PCCB: variants seen among roughly 807,000 people sequenced by gnomAD.
The protein encoded by PCCB is propionyl-CoA carboxylase beta chain, mitochondrial.
In PCCB, 43 loss-of-function variants were observed where a neutral mutation model predicts 60.7. The observed-to-expected ratio is 0.71, with a 90% CI of 0.55 to 0.91. The LOEUF is 0.91. Ranked by LOEUF, PCCB falls within the 40% of genes least tolerant of loss-of-function variation. The probability of loss-of-function intolerance (pLI) is 0.00; values close to 1 mark genes in which losing one functional copy is unlikely to be tolerated. For synonymous variants in PCCB, 276 were observed against 255.9 expected, an observed-to-expected ratio of 1.08 and a Z score of -0.75; for missense variants, 766 against 702.8, an observed-to-expected ratio of 1.09 and a Z score of -1.02.
At chr3:136,319,074 CTTA>C (rs545200926) in intron 10 of PCCB, among the ~76,000 whole-genome samples, 4 of 152,284 alleles carry the variant, frequency 2.6e-5, no homozygotes, top group Admixed American at 2.0e-4. Context: ...CTTGCCAACA[CTTA>C]TTATTAATTT....
chr3:136,300,404 G>C (rs1934221132), intron 8 of PCCB, among the ~76,000 whole-genome samples: 1 of 152,318 alleles, frequency 6.6e-6, no homozygotes, highest in African/African-American at 2.4e-5. Context: ...GGTTGGAGAG[G>C]GGCAAGTTGC....
intron 4 of PCCB, among the ~76,000 whole-genome samples, 174 bp from the exon 5 acceptor site, chr3:136,261,778 C>A (rs915758195): frequency 1.3e-5 from 2 of 152,130 alleles, no homozygotes; most frequent in African/African-American, 4.8e-5. Flanking sequence ...AATATCTGGT[C>A]CTTTGTCTTC....
chr3:136,261,399 T>TA (rs763711360), intron 4 of PCCB, among the ~76,000 whole-genome samples: 1 of 152,230 alleles, frequency 6.6e-6, no homozygotes, highest in Non-Finnish European at 1.5e-5. Flanking sequence ...CTCCCTCTGT[T>TA]ATGATGGGTA....
chr3:136,310,888 C>T (rs1934638379), intron 9 of PCCB, among the ~76,000 whole-genome samples: 1 of 152,026 alleles, frequency 6.6e-6, no homozygotes, highest in Non-Finnish European at 1.5e-5. Context: ...ACATCAATAC[C>T]TATTCCTGAT....
intron 11 of PCCB, 31 bp downstream of exon 11, chr3:136,326,941 A>AG (rs1349877627): frequency 7.0e-7 from 1 of 1,436,664 alleles, no homozygotes; most frequent in East Asian, 2.3e-5. Flanking sequence ...GGGCTAGGAG[A>AG]GTTGCCTTTC....
chr3:136,269,144 TGTGG>T (rs1942118341), intron 5 of PCCB, among the ~76,000 whole-genome samples: 2 of 151,944 alleles, frequency 1.3e-5, no homozygotes, highest in African/African-American at 4.8e-5. Flanking sequence ...AGCCAGGTGT[TGTGG>T]TGCATGCCTG....
In PCCB at chr3:136,255,935, A is replaced by G. The variant is rs771333669; in HGVS notation, c.263A>G (p.His88Arg). Residue 88 changes from histidine (H) to arginine (R), a missense_variant, in exon 2 of 15, where the codon CAC becomes CGC. Transcript: ENST00000251654. ...SFVESDMFVE[H>R]RCADFGMAAD... The stretch of plus-strand genomic sequence containing the variant: ...GTTGAGAGCGACATGTTTGTGGAAC[A>G]CAGATGTGCAGATTTTGGAATGGCT... 6 of 1,614,090 alleles carry G rather than the reference A, an allele frequency of 3.7e-6. No homozygotes were observed. The highest frequency in any genetic ancestry group is 5.1e-6 in the Non-Finnish European group (6 of 1,179,992).
chr3:136,258,116 C>T (rs182583608), intron 3 of PCCB, among the ~76,000 whole-genome samples: 25 of 152,150 alleles, frequency 1.6e-4, no homozygotes, highest in Admixed American at 9.8e-4. Context: ...AAAACTTGTA[C>T]AGAAGGAACC....
intron 8 of PCCB, among the ~76,000 whole-genome samples, chr3:136,299,518 GTGTA>G (rs1216222058): frequency 8.8e-5 from 12 of 136,350 alleles, no homozygotes; most frequent in South Asian, 2.3e-4. Context: ...AGGTATGCAT[GTGTA>G]TGTATGTATA....
chr3:136,291,234 A>G (rs1933674565), intron 6 of PCCB, among the ~76,000 whole-genome samples: 1 of 152,124 alleles, frequency 6.6e-6, no homozygotes, highest in Non-Finnish European at 1.5e-5. Flanking sequence ...CAGCCTCCTG[A>G]GTACCCAAGA....
intron 7 of PCCB, among the ~76,000 whole-genome samples, chr3:136,294,991 C>T (rs1170893322): frequency 6.6e-6 from 1 of 152,120 alleles, no homozygotes; most frequent in Non-Finnish European, 1.5e-5. Flanking sequence ...AGCACTGAAA[C>T]AAAAAGTTCT....
chr3:136,328,617 G>A (rs1031867272), intron 13 of PCCB, 141 bp from the exon 14 acceptor site: 16 of 704,908 alleles, frequency 2.3e-5, no homozygotes, highest in Middle Eastern at 3.6e-4. Flanking sequence ...CTCCCTCTAT[G>A]CTATGGCCTT....
chr3:136,324,331 CT>C (rs1217610381), intron 10 of PCCB, among the ~76,000 whole-genome samples: 7 of 152,154 alleles, frequency 4.6e-5, no homozygotes, highest in Non-Finnish European at 8.8e-5. Context: ...AACTCCTGGT[CT>C]TGAAATTGTC....
chr3:136,329,371 A>C (rs866311629), intron 14 of PCCB, among the ~76,000 whole-genome samples: 60 of 152,310 alleles, frequency 3.9e-4, no homozygotes, highest in African/African-American at 1.4e-3. Flanking sequence ...AGGCTAGTCC[A>C]GGCTTCCTTA....
Position 136,273,597 on chromosome 3 carries a change from C to CTTTTTTTTTTTTTTTTTTTTTTTT in PCCB, c.544-10218_544-10217insTTTTTTTTTTTTTTTTTTTTTTTT. Among the ~76,000 whole-genome samples the CTTTTTTTTTTTTTTTTTTTTTTTT allele has an allele frequency of 1.1e-3, 49 of 45,240 alleles. 1 individual carries two copies. Among genetic ancestry groups the CTTTTTTTTTTTTTTTTTTTTTTTT allele is most frequent in the Admixed American group, 2.1e-3 (8 of 3,742 alleles). 29.7% of individuals were successfully genotyped at this position (45,240 alleles called of 152,430 possible). A position where few individuals can be genotyped will look rare whatever the true frequency, so the allele number is the denominator to read the frequency against. ...TTCTTTCTTTTTTTTTTTCTTTTTT[C>CTTTTTTTTTTTTTTTTTTTTTTTT]TTTTTTTTTTTTTTTTTTTTTTACT... On this transcript the variant is annotated intron_variant, in intron 5 of 14. Coordinates refer to ENST00000251654, the MANE Select transcript of PCCB (RefSeq NM_000532.5).
intron 6 of PCCB, among the ~76,000 whole-genome samples, chr3:136,292,806 G>T (rs1485499471): frequency 6.6e-6 from 1 of 152,148 alleles, no homozygotes; most frequent in East Asian, 1.9e-4. Context: ...GGATGCATGG[G>T]TGTCTCTGTA....
At chr3:136,307,613 A>G (rs1934489880) in intron 9 of PCCB, among the ~76,000 whole-genome samples, 2 of 152,140 alleles carry the variant, frequency 1.3e-5, no homozygotes, top group African/African-American at 4.8e-5. Context: ...CATTGTGGGT[A>G]ATGATAAAGG....
intron 10 of PCCB, among the ~76,000 whole-genome samples, chr3:136,323,864 G>A (rs1223932023): frequency 6.7e-6 from 1 of 149,908 alleles, no homozygotes; most frequent in African/African-American, 2.5e-5. Flanking sequence ...AGTAAGTTCA[G>A]TGTCTATGCT....
intron 5 of PCCB, among the ~76,000 whole-genome samples, chr3:136,263,328 T>A (rs1228046358): frequency 6.8e-6 from 1 of 147,476 alleles, no homozygotes; most frequent in African/African-American, 2.5e-5. Context: ...TGCAGTGGCA[T>A]GATCTCTGCT....
Sources: gnomAD v4.1 joint callset for allele counts (sites outside exome capture counted in the v4.1 genomes callset) on GRCh38, gnomAD v4.1.1 for gene constraint, MANE v1.5 for transcripts, NCBI Gene and HGNC (gene_info 2026-07-23, HGNC 2026-07-21) for gene names.